Variants in PCDHGA11 observed in about 807,000 individuals in gnomAD.
PCDHGA11 encodes protocadherin gamma subfamily A, 11, also known as protocadherin gamma-A11.
In PCDHGA11, 39 loss-of-function variants were observed where a neutral mutation model predicts 60.4. The observed-to-expected ratio is 0.65, with a 90% CI of 0.50 to 0.84. The LOEUF is 0.84. PCDHGA11 is among the 40% of genes least tolerant of loss of function. The probability of loss-of-function intolerance (pLI) is 0.00; values close to 1 mark genes in which losing one functional copy is unlikely to be tolerated. For synonymous variants in PCDHGA11, 533 were observed against 510.3 expected (o/e 1.04, Z -0.60); for missense variants, 1,165 against 1,197.7 (o/e 0.97, Z 0.40).
Position 141,494,808 on chromosome 5 carries a change from A to G in PCDHGA11, c.2435A>G (p.Gln812Arg). The G allele has an allele frequency of 1.9e-6, 3 of 1,614,014 alleles. No individual in the cohort carries two copies. Among genetic ancestry groups the G allele is most frequent in the Non-Finnish European group, 2.5e-6 (3 of 1,179,982 alleles). The change falls in exon 2 of 4, where the codon CAA becomes CGA. Residue 812 changes from glutamine to arginine, a missense_variant and splice_region_variant. Gln to Arg is a conservative substitution (Grantham distance 43, BLOSUM62 1). Coordinates refer to ENST00000398587, the MANE Select transcript of PCDHGA11 (RefSeq NM_018914.3). ...CCTTTCCCTCTGTTTTCTCCACAGC[A>G]AGCCCCGCCCAACACGGACTGGCGT... ...LGKCDPTSNQ[Q>R]APPNTDWRFS...
Position 141,427,474 on chromosome 5 carries a change from A to T in PCDHGA11, c.2433+3814A>T, listed in dbSNP as rs373512099. On this transcript the variant is annotated intron_variant, in intron 1 of 3. Transcript: ENST00000398587. The stretch of plus-strand genomic sequence containing the variant: ...CCTTTTAGAATCGAATCTTCCGCCA[A>T]TAATGACTATAAGCTTGTAACAGAT... 10 of 520,294 alleles carry T rather than the reference A, an allele frequency of 1.9e-5. No individual in the cohort carries two copies. In the East Asian group the frequency reaches 2.1e-4, roughly 11 times the overall value. The allele number at this position is 520,294 out of a possible 1,614,324, so 32.2% of individuals were successfully genotyped here. A position where few individuals can be genotyped will look rare whatever the true frequency, so the allele number is the denominator to read the frequency against.
chr5:141,465,865 G>A (rs374058078), intron 1 of PCDHGA11, among the ~76,000 whole-genome samples: 7 of 151,900 alleles, frequency 4.6e-5, no homozygotes, highest in African/African-American at 1.7e-4. Flanking sequence ...GCTCATGCCT[G>A]TAATCCCAGC....
intron 1 of PCDHGA11, among the ~76,000 whole-genome samples, chr5:141,453,047 G>A (rs930795400): frequency 1.3e-5 from 2 of 152,172 alleles, no homozygotes; most frequent in African/African-American, 4.8e-5. Context: ...TTTCTATTAT[G>A]TGCAGTTTTA....
At chr5:141,478,759 A>G in intron 1 of PCDHGA11, 2 of 1,514,800 alleles carry the variant, frequency 1.3e-6, no homozygotes, top group African/African-American at 1.4e-5. Flanking sequence ...GGGGGAAGAT[A>G]CTTGACTCAT....
intron 1 of PCDHGA11, among the ~76,000 whole-genome samples, chr5:141,425,915 C>G (rs537499239): frequency 1.3e-5 from 2 of 152,336 alleles, no homozygotes; most frequent in East Asian, 3.9e-4. Context: ...AAAACAGTCA[C>G]TACGAAAACT....
chr5:141,505,925 C>T (rs1161562658), intron 3 of PCDHGA11, among the ~76,000 whole-genome samples: 4 of 152,140 alleles, frequency 2.6e-5, no homozygotes, highest in Admixed American at 1.3e-4. Context: ...CTGGGCCTGG[C>T]GCTTGGAAGC....
At chr5:141,478,644 T>G in intron 1 of PCDHGA11, 1 of 1,552,238 alleles carries the variant, frequency 6.4e-7, no homozygotes, top group South Asian at 1.2e-5. Context: ...GATGAAGATG[T>G]TTTCCTGGTG....
intron 1 of PCDHGA11, among the ~76,000 whole-genome samples, chr5:141,454,239 A>T (rs1221886368): frequency 6.6e-6 from 1 of 152,200 alleles, no homozygotes; most frequent in Non-Finnish European, 1.5e-5. Context: ...GATGAAAAGG[A>T]TGAAGATGTC....
chr5:141,430,578 C>A (rs1561846151), intron 1 of PCDHGA11: 8 of 470,816 alleles, frequency 1.7e-5, no homozygotes, highest in East Asian at 1.0e-4. Flanking sequence ...AGCGGAGATC[C>A]TGCTCGCCTT....
chr5:141,473,857 G>A (rs981688765), intron 1 of PCDHGA11, among the ~76,000 whole-genome samples: 1 of 152,164 alleles, frequency 6.6e-6, no homozygotes, highest in Non-Finnish European at 1.5e-5. Context: ...GATGAACCTC[G>A]CTATTGTGGA....
intron 1 of PCDHGA11, among the ~76,000 whole-genome samples, chr5:141,449,131 G>A (rs530494400): frequency 7.9e-5 from 12 of 152,220 alleles, no homozygotes; most frequent in Non-Finnish European, 1.3e-4. Flanking sequence ...CCCAGAAATG[G>A]AATTGAAATT....
chr5:141,435,952 G>A lies in PCDHGA11; in HGVS notation c.2433+12292G>A, dbSNP rs944960593. ...TTGCTGCTTCTGAGACCAAAAAAGG[G>A]GGCAAAATATAGAGTGTGTGGTTCT... is the stretch of plus-strand genomic sequence containing the variant. On this transcript the variant is annotated intron_variant, in intron 1 of 3. Transcript: ENST00000398587. Among the ~76,000 whole-genome samples the A allele has an allele frequency of 2.6e-5, 4 of 152,098 alleles. No individual in the cohort carries two copies. The South Asian group carries it at 8.3e-4, about 32-fold the overall frequency.
chr5:141,485,118 G>C lies in PCDHGA11; in HGVS notation c.2434-9689G>C, dbSNP rs547390669. 1 of 1,331,536 alleles carries C rather than the reference G, an allele frequency of 7.5e-7. No homozygotes were observed. Among genetic ancestry groups the C allele is most frequent in the East Asian group, 2.3e-5 (1 of 43,534 alleles). The allele number at this position is 1,331,536 out of a possible 1,614,324, so 82.5% of individuals were successfully genotyped here. On this transcript the variant is annotated intron_variant, in intron 1 of 3. Coordinates refer to ENST00000398587, the MANE Select transcript of PCDHGA11 (RefSeq NM_018914.3). The surrounding 1 kb of genome is among the most constrained non-coding windows in gnomAD (Gnocchi z 5.7). ...TCTCCAGCTGCTGTGGCTGTTTGGG[G>C]CGGGTCGGCTTCATCCGCGTCTCAG...
chr5:141,466,746 T>C (rs1035272591), intron 1 of PCDHGA11, among the ~76,000 whole-genome samples: 1 of 152,224 alleles, frequency 6.6e-6, no homozygotes, highest in African/African-American at 2.4e-5. Context: ...GTTACTCTGA[T>C]AGGGGCTCTT....
chr5:141,421,473 C>G lies in PCDHGA11; in HGVS notation c.246C>G (p.Ser82Arg), dbSNP rs907282414. The stretch of plus-strand genomic sequence containing the variant: ...AGCTTTTCGCTGTGAATCCGCGAAG[C>G]GGCAGCTTGATCACGGCAGGCAGGA... Reference protein sequence around the residue: ...KTQLFAVNPRSGSLITAGRID... With the variant: ...KTQLFAVNPRRGSLITAGRID... Residue 82 changes from serine (S) to arginine (R), a missense_variant, in exon 1 of 4, where the codon AGC becomes AGG. Transcript: ENST00000398587. The G allele has an allele frequency of 8.7e-6, 14 of 1,614,112 alleles. No individual in the cohort carries two copies. The highest frequency in any genetic ancestry group is 1.3e-5 in the African/African-American group (1 of 75,082).
intron 1 of PCDHGA11, among the ~76,000 whole-genome samples, chr5:141,459,334 A>G (rs987526492): frequency 5.9e-5 from 9 of 152,116 alleles, no homozygotes; most frequent in Admixed American, 1.3e-4. Flanking sequence ...TTTTACTCCA[A>G]AGTTCTTGAA....
intron 1 of PCDHGA11, among the ~76,000 whole-genome samples, chr5:141,452,674 G>A (rs2098746885): frequency 6.6e-6 from 1 of 151,936 alleles, no homozygotes; most frequent in Non-Finnish European, 1.5e-5. Context: ...TCCAGCCTAG[G>A]CCACAGAATG....
intron 1 of PCDHGA11, among the ~76,000 whole-genome samples, chr5:141,488,802 A>G (rs910422824): frequency 2.0e-5 from 3 of 152,294 alleles, no homozygotes; most frequent in Middle Eastern, 3.4e-3. Flanking sequence ...CCTGTTGAGT[A>G]CCATCTGAGC....
intron 1 of PCDHGA11, chr5:141,426,876 C>G (rs796453479): frequency 2.2e-6 from 1 of 456,726 alleles, no homozygotes; most frequent in Admixed American, 2.3e-5. Flanking sequence ...GGAGAAGCCC[C>G]TGGGCCAGGA....
Sources: allele counts gnomAD v4.1 joint callset (sites outside exome capture counted in the v4.1 genomes callset), GRCh38; gene constraint gnomAD v4.1.1; non-coding constraint Gnocchi (gnomAD v3.1); transcripts MANE v1.5; gene names NCBI Gene and HGNC (gene_info 2026-07-23, HGNC 2026-07-21).